The following CHLSN variants were observed in gnomAD, a reference collection of about 807,000 sequenced individuals.
CHLSN encodes the protein cholesin.
chr7:1,006,520 T>C, the CHLSN span, among the ~76,000 whole-genome samples: 1,994 of 16,730 alleles, frequency 0.12, 1 homozygote, highest in Admixed American at 0.16. Flanking sequence ...ACGACGGCCA[T>C]ACTGCAGGGA....
At chr7:1,000,528 C>G in the CHLSN span, 1 of 1,608,964 alleles carries the variant, frequency 6.2e-7, no homozygotes, top group Non-Finnish European at 8.5e-7. Context: ...CTGAAACCTC[C>G]AGTTCTTGTG....
At chr7:1,050,967 G>A in the CHLSN span, among the ~76,000 whole-genome samples, 3 of 152,268 alleles carry the variant, frequency 2.0e-5, no homozygotes, top group Non-Finnish European at 4.4e-5. Context: ...TGCCGTCAGA[G>A]AGGGGGATGG....
At chr7:1,136,221 CAT>C in the CHLSN span, among the ~76,000 whole-genome samples, 506 of 104,252 alleles carry the variant, frequency 4.9e-3, 13 homozygotes, top group African/African-American at 0.019. Flanking sequence ...TATATATAAA[CAT>C]ATATAAATAT....
At chr7:985,036 C>T in the CHLSN span, 1 of 1,612,370 alleles carries the variant, frequency 6.2e-7, no homozygotes, top group Non-Finnish European at 8.5e-7. Flanking sequence ...GGGCCGGGAG[C>T]CGGTGGCTGA....
the CHLSN span, chr7:989,087 A>T: frequency 7.1e-6 from 3 of 421,174 alleles, no homozygotes; most frequent in Non-Finnish European, 1.2e-5. Flanking sequence ...GGCCCCGCCC[A>T]CTCTCCCACC....
At chr7:1,017,098 C>G in the CHLSN span, among the ~76,000 whole-genome samples, 1 of 152,214 alleles carries the variant, frequency 6.6e-6, no homozygotes, top group African/African-American at 2.4e-5. Context: ...CCGGACCACT[C>G]GGAAGCCTTG....
the CHLSN span, among the ~76,000 whole-genome samples, chr7:1,027,482 A>T: frequency 4.6e-4 from 70 of 152,316 alleles, no homozygotes; most frequent in African/African-American, 1.6e-3. Flanking sequence ...GCCTCCTCAG[A>T]AGATAAAAGA....
chr7:1,017,471 A>G, the CHLSN span, among the ~76,000 whole-genome samples: 89 of 152,186 alleles, frequency 5.8e-4, no homozygotes, highest in East Asian at 0.016. Flanking sequence ...CTGTCCTACG[A>G]TGTCAGCCGG....
the CHLSN span, chr7:1,093,023 T>C: frequency 1.4e-6 from 1 of 734,470 alleles, no homozygotes; most frequent in African/African-American, 1.7e-5. Flanking sequence ...TGGGGCTGCT[T>C]AGGAAACCTC....
chr7:1,016,109 G>GGATA, the CHLSN span, among the ~76,000 whole-genome samples: 6 of 80,358 alleles, frequency 7.5e-5, 1 homozygote, highest in East Asian at 5.3e-4. Context: ...GCACACAGCA[G>GGATA]CGCACAGCAG....
the CHLSN span, among the ~76,000 whole-genome samples, chr7:1,054,225 C>T: frequency 2.0e-5 from 3 of 152,328 alleles, no homozygotes; most frequent in Admixed American, 6.5e-5. Flanking sequence ...ACACGCAAAG[C>T]GCGTCACCTT....
At chr7:1,027,446 CG>C in the CHLSN span, among the ~76,000 whole-genome samples, 1 of 152,206 alleles carries the variant, frequency 6.6e-6, no homozygotes, top group Non-Finnish European at 1.5e-5. Flanking sequence ...AGGACCAGCA[CG>C]GGGCCGCCAC....
chr7:990,845 A>T, the CHLSN span, among the ~76,000 whole-genome samples: 2 of 152,222 alleles, frequency 1.3e-5, no homozygotes, highest in Middle Eastern at 6.8e-3. Flanking sequence ...GTGACTGGTG[A>T]GCCCCTCTGG....
At chr7:1,008,593 A>T in the CHLSN span, among the ~76,000 whole-genome samples, 1 of 151,430 alleles carries the variant, frequency 6.6e-6, no homozygotes, top group Admixed American at 6.6e-5. Context: ...TCATTCTATG[A>T]CCCCCAAGGC....
the CHLSN span, among the ~76,000 whole-genome samples, chr7:1,137,015 G>C: frequency 6.6e-6 from 1 of 152,108 alleles, no homozygotes; most frequent in African/African-American, 2.4e-5. Flanking sequence ...TCCTAAATCA[G>C]ATGGTGTGTC....
the CHLSN span, chr7:1,000,512 C>T: frequency 1.1e-5 from 17 of 1,609,634 alleles, no homozygotes; most frequent in African/African-American, 6.7e-5. Flanking sequence ...ACGTCTGCCT[C>T]GTCTTCTGAA....
At chr7:1,078,130 G>C in the CHLSN span, 7 of 152,240 alleles carry the variant, frequency 4.6e-5, no homozygotes, top group African/African-American at 1.7e-4. Context: ...TCCTGAAGAC[G>C]GAGCTGGACG....
the CHLSN span, chr7:1,093,356 G>A: frequency 1.1e-4 from 46 of 425,930 alleles, no homozygotes; most frequent in African/African-American, 6.7e-4. Flanking sequence ...CTGTGCCCAC[G>A]GTCTGAGCTA....
At chr7:1,028,327 C>G in the CHLSN span, 1 of 1,027,212 alleles carries the variant, frequency 9.7e-7, no homozygotes. Flanking sequence ...CAGTGCGCAC[C>G]GCCCGGCCCG....
Sources: allele counts gnomAD v4.1 joint callset (sites outside exome capture counted in the v4.1 genomes callset), GRCh38; gene constraint gnomAD v4.1.1; transcripts MANE v1.5; gene names NCBI Gene and HGNC (gene_info 2026-07-23, HGNC 2026-07-21).